Variants in LASP1 observed in about 807,000 individuals in gnomAD.
The protein encoded by LASP1 is LIM and SH3 protein 1.
LASP1 carries 10 observed loss-of-function variants against 38.6 expected under a neutral mutation model. The ratio of observed to expected loss-of-function variants is 0.26; its 90% CI spans 0.16 to 0.44. The LOEUF is 0.44. LASP1 is among the 20% of genes least tolerant of loss of function. The probability of loss-of-function intolerance (pLI) is 1.00; values close to 1 mark genes in which losing one functional copy is unlikely to be tolerated. For missense variants in LASP1, 243 were observed against 375.7 expected (o/e 0.65, Z 2.92); for synonymous variants, 132 against 140.8 (o/e 0.94, Z 0.44).
intron 1 of LASP1, among the ~76,000 whole-genome samples, chr17:38,873,698 A>C (rs1439353069): frequency 1.3e-5 from 2 of 152,190 alleles, no homozygotes; most frequent in African/African-American, 2.4e-5. Context: ...GAGGTGCAGC[A>C]AAGATCTATG....
chr17:38,906,404 C>G (rs1391024243), intron 4 of LASP1, among the ~76,000 whole-genome samples: 1 of 152,136 alleles, frequency 6.6e-6, no homozygotes, highest in East Asian at 1.9e-4. Context: ...TGGTGCACCC[C>G]TGTAGTCTCA....
At chr17:38,907,941 G>A (rs1914818435) in intron 4 of LASP1, among the ~76,000 whole-genome samples, 1 of 152,312 alleles carries the variant, frequency 6.6e-6, no homozygotes, top group South Asian at 2.1e-4. Flanking sequence ...AGACCCAGAG[G>A]GGAAAGTGAC....
rs753952554 is a variant in LASP1 at position 38,920,309 on chromosome 17, CACTT to C, written c.*1534_*1537del. On this transcript the variant is annotated 3_prime_UTR_variant, in exon 7 of 7. Coordinates refer to ENST00000318008, the MANE Select transcript of LASP1 (RefSeq NM_006148.4). ...GGGCTCTTCCCCTAGACCTCCCCCT[CACTT>C]ACATAAAGCTCCCTTGAAGCAAGAA... 19 of 391,962 alleles carry C rather than the reference CACTT, an allele frequency of 4.8e-5. No individual in the cohort carries two copies. The highest frequency in any genetic ancestry group is 4.6e-4 in the South Asian group (17 of 37,010). 24.3% of individuals were successfully genotyped at this position (391,962 alleles called of 1,614,324 possible). A position where few individuals can be genotyped will look rare whatever the true frequency, so the allele number is the denominator to read the frequency against.
intron 4 of LASP1, among the ~76,000 whole-genome samples, chr17:38,907,029 G>T (rs958225168): frequency 6.6e-5 from 10 of 152,200 alleles, no homozygotes; most frequent in Admixed American, 3.3e-4. Flanking sequence ...GATGAGCCAG[G>T]CCCTTGGAAG....
intron 6 of LASP1, among the ~76,000 whole-genome samples, chr17:38,917,227 A>G (rs1226854976): frequency 3.3e-5 from 5 of 152,142 alleles, no homozygotes; most frequent in Admixed American, 3.3e-4. Context: ...TCAGCCCAAG[A>G]TAGAGGCAGA....
chr17:38,915,071 G>A lies in LASP1; in HGVS notation c.537G>A (p.Val179=), dbSNP rs16968526. 10,553 of 1,613,922 alleles carry A rather than the reference G, an allele frequency of 6.5e-3. 507 individuals are homozygous for A. The African/African-American group carries it at 0.12, about 18-fold the overall frequency. Residue 179 remains valine, a synonymous_variant, in exon 6 of 7, where the codon GTG becomes GTA. Coordinates refer to ENST00000318008, the MANE Select transcript of LASP1 (RefSeq NM_006148.4). ...PVYQQPQQQP[V]AQSYGGYKEP... is the part of the protein sequence containing the mutation. ...ACCAGCAGCCCCAGCAGCAGCCGGTGGCCCAGTCCTATGGTGGCTACAAGG... is the reference window on the plus strand; with the variant it reads ...ACCAGCAGCCCCAGCAGCAGCCGGTAGCCCAGTCCTATGGTGGCTACAAGG...
Position 38,921,621 on chromosome 17 carries a change from C to G in LASP1, c.*2843C>G, listed in dbSNP as rs1915303185. ...TCATCTTTTTATATGGGGTTGTTGT[C>G]TCATTTTGGTCTGTTTTGGTCCCCT... On this transcript the variant is annotated 3_prime_UTR_variant, in exon 7 of 7. Coordinates refer to ENST00000318008, the MANE Select transcript of LASP1 (RefSeq NM_006148.4). 1 of 232,756 alleles carries G rather than the reference C, an allele frequency of 4.3e-6. No individual in the cohort carries two copies. Among genetic ancestry groups the G allele is most frequent in the African/African-American group, 2.2e-5 (1 of 45,256 alleles). 14.4% of individuals were successfully genotyped at this position (232,756 alleles called of 1,614,324 possible). A position where few individuals can be genotyped will look rare whatever the true frequency, so the allele number is the denominator to read the frequency against.
intron 2 of LASP1, 86 bp downstream of exon 2, chr17:38,878,266 G>A (rs1913841466): frequency 1.1e-6 from 1 of 871,298 alleles, no homozygotes; most frequent in Non-Finnish European, 1.9e-6. Flanking sequence ...ATAACCGCAA[G>A]GTGACATTGG....
At chr17:38,908,687 C>G (rs1914839542) in intron 4 of LASP1, among the ~76,000 whole-genome samples, 1 of 152,210 alleles carries the variant, frequency 6.6e-6, no homozygotes, top group South Asian at 2.1e-4. Flanking sequence ...AGACTGGACT[C>G]CCCCCAGACT....
At position 38,915,009 on chromosome 17, in the gene LASP1, C is replaced by T. The variant is rs568380921; in HGVS notation, c.509-34C>T. On this transcript the variant is annotated intron_variant, in intron 5 of 6. Coordinates refer to ENST00000318008, the MANE Select transcript of LASP1 (RefSeq NM_006148.4). ...CTGGGAGGGGCTGGGTTTGGCAGGA[C>T]AGTTTCCAAGCCCTGTCTCCTCCCA... 8.1e-6 allele frequency: 13 copies of T among 1,601,414 alleles called. No individual in the cohort carries two copies. The South Asian group carries it at 1.3e-4, about 16-fold the overall frequency.
chr17:38,879,752 T>G (rs1178573497), intron 2 of LASP1, among the ~76,000 whole-genome samples: 1 of 152,034 alleles, frequency 6.6e-6, no homozygotes, highest in Non-Finnish European at 1.5e-5. Flanking sequence ...CTCTTTCATC[T>G]TTTTAGGGGC....
chr17:38,897,677 G>A (rs993431499), intron 3 of LASP1, among the ~76,000 whole-genome samples: 1 of 152,176 alleles, frequency 6.6e-6, no homozygotes, highest in Admixed American at 6.5e-5. Context: ...GACCTGCTGA[G>A]ATGCTGTCTG....
intron 4 of LASP1, among the ~76,000 whole-genome samples, chr17:38,907,079 C>T (rs914357199): frequency 6.6e-6 from 1 of 152,172 alleles, no homozygotes; most frequent in African/African-American, 2.4e-5. Context: ...TGCTAACATC[C>T]CCCTCATGTG....
chr17:38,895,541 C>T (rs925149024), intron 3 of LASP1, among the ~76,000 whole-genome samples: 2 of 152,038 alleles, frequency 1.3e-5, no homozygotes, highest in African/African-American at 4.8e-5. Flanking sequence ...GTCATGAACT[C>T]CTGACCTCAG....
At chr17:38,892,950 CGTGTGTGTATGTGTGT>C (rs1567699106) in intron 3 of LASP1, among the ~76,000 whole-genome samples, 1 of 151,950 alleles carries the variant, frequency 6.6e-6, no homozygotes, top group African/African-American at 2.4e-5. Flanking sequence ...AGAGCGTGTC[CGTGTGTGTATGTGTGT>C]GTGTGTGCGT....
intron 1 of LASP1, 136 bp downstream of exon 1, chr17:38,870,394 C>T: frequency 1.0e-6 from 1 of 996,250 alleles, no homozygotes; most frequent in Admixed American, 2.3e-5. Flanking sequence ...CGGGCGGTGT[C>T]ATGGGGTGTG....
intron 1 of LASP1, among the ~76,000 whole-genome samples, chr17:38,875,102 A>G (rs1913728369): frequency 8.6e-6 from 1 of 115,806 alleles, no homozygotes; most frequent in African/African-American, 3.6e-5. Context: ...AAAGTGGGTC[A>G]TGGTCTGGAT....
intron 2 of LASP1, among the ~76,000 whole-genome samples, 197 bp downstream of exon 2, chr17:38,878,377 T>G (rs149929835): frequency 2.0e-5 from 3 of 152,116 alleles, no homozygotes; most frequent in African/African-American, 7.2e-5. Context: ...TTATCCCCCA[T>G]TTAAAGTGCA....
chr17:38,895,056 GT>G (rs1914446209), intron 3 of LASP1, among the ~76,000 whole-genome samples: 1 of 151,968 alleles, frequency 6.6e-6, no homozygotes, highest in East Asian at 1.9e-4. Context: ...AAAAACTAGT[GT>G]TTCTTTTTTG....
Sources: gnomAD v4.1 joint callset for allele counts (sites outside exome capture counted in the v4.1 genomes callset) on GRCh38, gnomAD v4.1.1 for gene constraint, MANE v1.5 for transcripts, NCBI Gene and HGNC (gene_info 2026-07-23, HGNC 2026-07-21) for gene names.